The following UNC5B variants were observed in gnomAD, a reference collection of about 807,000 sequenced individuals.
UNC5B encodes the protein netrin receptor UNC5B.
A neutral mutation model predicts 103.7 loss-of-function variants in UNC5B; 56 were observed. That is an observed-to-expected ratio of 0.54 (90% CI 0.44 to 0.67). The LOEUF is 0.67. UNC5B is among the 30% of genes least tolerant of loss of function. UNC5B has a pLI of 0.00. For synonymous variants in UNC5B, 577 were observed against 542.0 expected, an observed-to-expected ratio of 1.06 and a Z score of -0.90; for missense variants, 1,194 against 1,284.5, an observed-to-expected ratio of 0.93 and a Z score of 1.08.
intron 1 of UNC5B, among the ~76,000 whole-genome samples, chr10:71,215,585 T>A (rs934178886): frequency 6.6e-6 from 1 of 151,990 alleles, no homozygotes; most frequent in Non-Finnish European, 1.5e-5. Flanking sequence ...CCCAGACCCT[T>A]AGAAGGTAAT....
intron 1 of UNC5B, among the ~76,000 whole-genome samples, chr10:71,269,960 C>G (rs533378541): frequency 1.3e-5 from 2 of 152,000 alleles, no homozygotes; most frequent in African/African-American, 2.4e-5. Context: ...TTGGGGGAGG[C>G]GCTCCAAAAC....
intron 4 of UNC5B, 151 bp from the exon 5 acceptor site, chr10:71,286,538 C>A: frequency 9.9e-7 from 1 of 1,012,612 alleles, no homozygotes; most frequent in Non-Finnish European, 1.4e-6. Context: ...GCTCTTAACC[C>A]CAGAGCTGTA....
intron 1 of UNC5B, among the ~76,000 whole-genome samples, chr10:71,248,567 A>T (rs943134433): frequency 5.3e-5 from 8 of 152,198 alleles, no homozygotes; most frequent in Non-Finnish European, 2.9e-5. Flanking sequence ...TTACATTAGT[A>T]ATTTATGTAT....
chr10:71,244,846 CTG>C (rs1464671534), intron 1 of UNC5B, among the ~76,000 whole-genome samples: 1 of 152,184 alleles, frequency 6.6e-6, no homozygotes, highest in Non-Finnish European at 1.5e-5. Context: ...GCTTGTGTGA[CTG>C]TGGGCGACCA....
rs566595282 is a variant in UNC5B, at chr10:71,213,836, G to C, written c.79+772G>C. Among the ~76,000 whole-genome samples the C allele has an allele frequency of 6.6e-6, 1 of 151,414 alleles. No homozygotes were observed. Among genetic ancestry groups the C allele is most frequent in the South Asian group, 2.1e-4 (1 of 4,770 alleles). ...TTGGTCACTGACATTCTCGCTGTCC[G>C]GGGAACAGACTAGGTGCGCTCTCCT... is the stretch of plus-strand genomic sequence containing the variant. On this transcript the variant is annotated intron_variant, in intron 1 of 16. Transcript: ENST00000335350. This position sits in a 1 kb window ranked among gnomAD's most constrained non-coding sequence, Gnocchi z 4.1.
chr10:71,247,664 C>T (rs1844069030), intron 1 of UNC5B, among the ~76,000 whole-genome samples: 1 of 152,190 alleles, frequency 6.6e-6, no homozygotes, highest in Non-Finnish European at 1.5e-5. Flanking sequence ...CCCCAGTCCC[C>T]AGGCCCCAGC....
rs1845590973 is a variant in UNC5B, at chr10:71,301,913, T to C, written c.*2636T>C. 6.6e-6 allele frequency: 1 copy of C among 152,212 alleles called. No individual in the cohort carries two copies. Among genetic ancestry groups the C allele is most frequent in the African/African-American group, 2.4e-5 (1 of 41,440 alleles). 9.4% of individuals were successfully genotyped at this position (152,212 alleles called of 1,614,324 possible). A position where few individuals can be genotyped will look rare whatever the true frequency, so the allele number is the denominator to read the frequency against. On this transcript the variant is annotated 3_prime_UTR_variant, in exon 17 of 17. Transcript: ENST00000335350. ...TCCTCCCCACCCCACCCTCAGAAGC[T>C]GCTTGCTCTGCCCCCAGGACAGGAG...
At chr10:71,289,401 C>G (rs1050646783) in intron 8 of UNC5B, among the ~76,000 whole-genome samples, 3 of 152,324 alleles carry the variant, frequency 2.0e-5, no homozygotes, top group African/African-American at 7.2e-5. Context: ...TCCAGTCCCC[C>G]CTCATGCCCC....
chr10:71,255,594 A>T (rs1429948217), intron 1 of UNC5B, among the ~76,000 whole-genome samples: 4 of 152,188 alleles, frequency 2.6e-5, no homozygotes, highest in Admixed American at 6.5e-5. Context: ...CCTTGTTCGT[A>T]ATTAGCGCCA....
intron 1 of UNC5B, among the ~76,000 whole-genome samples, chr10:71,228,368 A>C (rs1007231884): frequency 4.6e-5 from 7 of 151,046 alleles, no homozygotes; most frequent in Non-Finnish European, 2.9e-5. Flanking sequence ...TTACATGAAC[A>C]TTTTTAAATT....
Position 71,286,874 on chromosome 10 carries a change from G to A in UNC5B, c.733+5G>A, listed in dbSNP as rs187548776. 7.3e-4 allele frequency: 1,181 copies of A among 1,612,198 alleles called. 9 individuals are homozygous for A. In the East Asian group the frequency reaches 8.0e-3, roughly 11 times the overall value. ...CTGCCACCGTCATCGTCTACGGTGC[G>A]GGCCTTTCGGAGTGGGAGGGGCAGA... On this transcript the variant is annotated splice_donor_5th_base_variant and intron_variant, in intron 5 of 16. Transcript: ENST00000335350.
At chr10:71,291,884 A>G (rs1451992953) in intron 10 of UNC5B, 63 bp downstream of exon 10, 6 of 1,513,956 alleles carry the variant, frequency 4.0e-6, no homozygotes, top group East Asian at 4.6e-5. Context: ...GACTGCCCCA[A>G]CACCCATCCA....
At chr10:71,298,355 G>A (rs923561700) in intron 16 of UNC5B, among the ~76,000 whole-genome samples, 4 of 152,194 alleles carry the variant, frequency 2.6e-5, no homozygotes, top group Admixed American at 1.3e-4. Flanking sequence ...TGGGGATAAT[G>A]CTCCACCTGC....
At chr10:71,214,232 C>T (rs1318294066) in intron 1 of UNC5B, among the ~76,000 whole-genome samples, 1 of 151,972 alleles carries the variant, frequency 6.6e-6, no homozygotes, top group Non-Finnish European at 1.5e-5. Context: ...CTACCTCCTG[C>T]TGCGAAGTTG....
At chr10:71,281,293 A>G (rs1375538195) in intron 2 of UNC5B, among the ~76,000 whole-genome samples, 2 of 152,234 alleles carry the variant, frequency 1.3e-5, no homozygotes, top group African/African-American at 2.4e-5. Context: ...ATTTTAAACA[A>G]TAGATTTGGA....
intron 1 of UNC5B, among the ~76,000 whole-genome samples, chr10:71,222,501 C>T (rs1843472239): frequency 7.8e-6 from 1 of 128,166 alleles, no homozygotes; most frequent in Non-Finnish European, 1.7e-5. Flanking sequence ...CATTGCCTTC[C>T]CTTCTCTTCC....
In UNC5B at chr10:71,280,040, C is replaced by G; in HGVS notation, c.299C>G (p.Ala100Gly). The G allele has an allele frequency of 6.2e-7, 1 of 1,613,684 alleles. No homozygotes were observed. Among genetic ancestry groups the G allele is most frequent in the Non-Finnish European group, 8.5e-7 (1 of 1,179,994 alleles). Residue 100 changes from alanine to glycine, a missense_variant, in exon 2 of 17, where the codon GCC (alanine) becomes GGC (glycine). Ala to Gly is a moderately conservative substitution (Grantham distance 60). Coordinates refer to ENST00000335350, the MANE Select transcript of UNC5B (RefSeq NM_170744.5). ...DHVTQEGLDE[A>G]TGLRVREVQI... ...GTCACACAGGAAGGCCTGGATGAGG[C>G]CACCGGTGAGCCCGCCCCACTTGCC...
chr10:71,279,862 T>C lies in UNC5B; in HGVS notation c.121T>C (p.Ser41Pro). The change falls in exon 2 of 17, where the codon TCA (serine) becomes CCA (proline). Residue 41 changes from serine to proline, a missense_variant. Ser to Pro is a moderately conservative substitution (Grantham distance 74). Transcript: ENST00000335350. ...GSEVLPDSFPSAPAEPLPYFL... is the reference protein window; with the variant it reads ...GSEVLPDSFPPAPAEPLPYFL... ...CGAGGTGCTCCCTGACTCCTTCCCG[T>C]CAGCGCCAGCAGAGCCGCTGCCCTA... The C allele has an allele frequency of 6.2e-7, 1 of 1,613,852 alleles. No individual in the cohort carries two copies. The highest frequency in any genetic ancestry group is 1.1e-5 in the South Asian group (1 of 91,074).
intron 13 of UNC5B, 65 bp downstream of exon 13, chr10:71,293,998 C>A (rs1845343592): frequency 7.0e-7 from 1 of 1,436,698 alleles, no homozygotes; most frequent in Non-Finnish European, 9.3e-7. Flanking sequence ...TGCCAGAATC[C>A]CCCACCCCAG....
Sources: allele counts gnomAD v4.1 joint callset (sites outside exome capture counted in the v4.1 genomes callset), GRCh38; gene constraint gnomAD v4.1.1; non-coding constraint Gnocchi (gnomAD v3.1); transcripts MANE v1.5; gene names NCBI Gene and HGNC (gene_info 2026-07-23, HGNC 2026-07-21).